C8orf34: variants seen among roughly 807,000 people sequenced by gnomAD.
The protein encoded by C8orf34 is uncharacterized protein C8orf34.
In C8orf34, 65 loss-of-function variants were observed where a neutral mutation model predicts 68.3. The ratio of observed to expected loss-of-function variants is 0.95; its 90% CI spans 0.78 to 1.17. The LOEUF (loss-of-function observed/expected upper bound fraction) is 1.17. C8orf34 is among the 50% of genes most tolerant of loss of function. The probability of loss-of-function intolerance (pLI) is 0.00; values close to 1 mark genes in which losing one functional copy is unlikely to be tolerated. For synonymous variants in C8orf34, 244 were observed against 241.2 expected (o/e 1.01, Z -0.11); for missense variants, 664 against 655.4 (o/e 1.01, Z -0.14).
chr8:68,708,028 A>T (rs1003925199), intron 8 of C8orf34, among the ~76,000 whole-genome samples: 13 of 152,186 alleles, frequency 8.5e-5, no homozygotes, highest in Non-Finnish European at 1.8e-4. Flanking sequence ...CCCAAGAAAA[A>T]ATTTAAAAAA....
At chr8:68,748,474 T>C (rs12839208) in intron 10 of C8orf34, among the ~76,000 whole-genome samples, 58 of 150,480 alleles carry the variant, frequency 3.9e-4, no homozygotes, top group African/African-American at 1.2e-3. Flanking sequence ...AGAAAATTTT[T>C]GCAACCTACT....
chr8:68,644,224 C>G (rs966832154), intron 8 of C8orf34, among the ~76,000 whole-genome samples: 1 of 152,140 alleles, frequency 6.6e-6, no homozygotes, highest in Non-Finnish European at 1.5e-5. Context: ...CTTATATACC[C>G]TCTTCATAGG....
At chr8:68,767,182 C>G (rs1049073493) in intron 10 of C8orf34, among the ~76,000 whole-genome samples, 11 of 152,096 alleles carry the variant, frequency 7.2e-5, no homozygotes, top group Non-Finnish European at 1.6e-4. Flanking sequence ...GGCAACAGAG[C>G]AAGACTCTGT....
intron 7 of C8orf34, chr8:68,534,630 C>G: frequency 2.0e-6 from 2 of 985,484 alleles, no homozygotes; most frequent in Non-Finnish European, 2.4e-6. Context: ...GATGTAAGCT[C>G]AGCAGGTGGG....
intron 10 of C8orf34, among the ~76,000 whole-genome samples, chr8:68,770,061 T>A (rs1207787078): frequency 6.6e-6 from 1 of 152,182 alleles, no homozygotes; most frequent in Non-Finnish European, 1.5e-5. Context: ...ATACATAGTT[T>A]GCCAAGGCAG....
intron 7 of C8orf34, among the ~76,000 whole-genome samples, chr8:68,549,292 C>A (rs1815987915): frequency 6.6e-6 from 1 of 151,738 alleles, no homozygotes. Flanking sequence ...TCACCTTTAG[C>A]TAACTAAGAC....
At chr8:68,545,923 G>A in intron 7 of C8orf34, among the ~76,000 whole-genome samples, 1 of 152,008 alleles carries the variant, frequency 6.6e-6, no homozygotes, top group East Asian at 1.9e-4. Context: ...AAAATTATGT[G>A]ATAAAACAGC....
rs1057006958 is a variant in C8orf34, at chr8:68,561,402, CT to C, written c.1105+28260del. 7.7e-4 allele frequency among the ~76,000 whole-genome samples: 117 copies of C among 152,182 alleles called. No homozygotes were observed. The Middle Eastern group carries it at 0.017, about 22-fold the overall frequency. On this transcript the variant is annotated intron_variant, in intron 7 of 13. Coordinates refer to ENST00000518698, the MANE Select transcript of C8orf34 (RefSeq NM_052958.4). ...CCTTTGTATATCCTTATTCTATAAG[CT>C]TTTTTTCTATTTACAAAATTTTTAA...
chr8:68,533,622 C>T (rs1236904802), intron 7 of C8orf34: 6 of 984,768 alleles, frequency 6.1e-6, no homozygotes, highest in Middle Eastern at 5.2e-4. Context: ...TTATGTTTTC[C>T]GTAAATGACG....
At chr8:68,530,300 G>A (rs1815188013) in intron 6 of C8orf34, among the ~76,000 whole-genome samples, 1 of 151,974 alleles carries the variant, frequency 6.6e-6, no homozygotes, top group South Asian at 2.1e-4. Flanking sequence ...GAAGTAACTT[G>A]CCCCAAATTA....
At chr8:68,815,628 G>A (rs1333658145) in intron 12 of C8orf34, among the ~76,000 whole-genome samples, 3 of 152,038 alleles carry the variant, frequency 2.0e-5, no homozygotes, top group Admixed American at 2.0e-4. Flanking sequence ...AACACTATCT[G>A]GAGGGGCATT....
At chr8:68,606,379 A>T (rs1817854043) in intron 7 of C8orf34, among the ~76,000 whole-genome samples, 1 of 152,132 alleles carries the variant, frequency 6.6e-6, no homozygotes, top group Admixed American at 6.6e-5. Flanking sequence ...ATTCCCTCAT[A>T]TATCCTGACT....
At chr8:68,763,556 A>T (rs969664626) in intron 10 of C8orf34, among the ~76,000 whole-genome samples, 4 of 152,092 alleles carry the variant, frequency 2.6e-5, no homozygotes, top group African/African-American at 9.7e-5. Flanking sequence ...TCTCTACTTC[A>T]TATTCATACT....
At chr8:68,497,346 C>T (rs974120795) in intron 5 of C8orf34, among the ~76,000 whole-genome samples, 1 of 152,160 alleles carries the variant, frequency 6.6e-6, no homozygotes, top group Admixed American at 6.6e-5. Flanking sequence ...TAACAAAAAT[C>T]CCCATTTGTC....
At chr8:68,412,648 T>C (rs751398611) in intron 1 of C8orf34, among the ~76,000 whole-genome samples, 1 of 152,180 alleles carries the variant, frequency 6.6e-6, no homozygotes, top group Non-Finnish European at 1.5e-5. Flanking sequence ...TCCTGTCCTC[T>C]TTATTGAACT....
chr8:68,709,753 C>T (rs775120985), intron 9 of C8orf34, among the ~76,000 whole-genome samples: 2 of 152,030 alleles, frequency 1.3e-5, no homozygotes, highest in Admixed American at 6.6e-5. Flanking sequence ...ATTTAATTTC[C>T]ATTTTCTATA....
intron 1 of C8orf34, among the ~76,000 whole-genome samples, chr8:68,334,259 G>A (rs1805752421): frequency 6.6e-6 from 1 of 151,946 alleles, no homozygotes; most frequent in Non-Finnish European, 1.5e-5. Context: ...AAATTTCATT[G>A]AAGATGTTTT....
intron 12 of C8orf34, among the ~76,000 whole-genome samples, chr8:68,809,048 C>T (rs1190640932): frequency 6.6e-6 from 1 of 152,006 alleles, no homozygotes; most frequent in East Asian, 1.9e-4. Context: ...GGAAAAAAAC[C>T]TGGAAGTCAG....
At chr8:68,507,141 C>G (rs537444357) in intron 5 of C8orf34, among the ~76,000 whole-genome samples, 15 of 152,162 alleles carry the variant, frequency 9.9e-5, no homozygotes, top group African/African-American at 3.6e-4. Context: ...ACAATAAAGT[C>G]ATGCAAATTT....
Sources: gnomAD v4.1 joint callset for allele counts (sites outside exome capture counted in the v4.1 genomes callset) on GRCh38, gnomAD v4.1.1 for gene constraint, MANE v1.5 for transcripts, NCBI Gene and HGNC (gene_info 2026-07-23, HGNC 2026-07-21) for gene names.